The following VPS13C variants were observed in gnomAD, a reference collection of about 807,000 sequenced individuals.
The protein encoded by VPS13C is intermembrane lipid transfer protein VPS13C.
In VPS13C, 358 loss-of-function variants were observed where a neutral mutation model predicts 456.8. The ratio of observed to expected loss-of-function variants is 0.78; its 90% CI spans 0.72 to 0.86. VPS13C has a LOEUF of 0.86. Ranked by LOEUF, VPS13C falls within the 40% of genes least tolerant of loss-of-function variation. VPS13C has a pLI of 0.00. For synonymous variants in VPS13C, 1,578 were observed against 1,486.7 expected, an observed-to-expected ratio of 1.06 and a Z score of -1.41; for missense variants, 4,818 against 4,385.4, an observed-to-expected ratio of 1.10 and a Z score of -2.79.
At chr15:62,010,139 G>C (rs988793212) in intron 13 of VPS13C, among the ~76,000 whole-genome samples, 6 of 151,644 alleles carry the variant, frequency 4.0e-5, no homozygotes, top group Admixed American at 6.6e-5. Flanking sequence ...GCAGTGACCT[G>C]AGATCGCACC....
At position 61,946,307 on chromosome 15, in the gene VPS13C, CT is replaced by C. The variant is rs1165003020; in HGVS notation, c.4979del (p.Lys1660ArgfsTer15). ...MNVDLQSIHKKAVSILGDEVF... is the reference protein window; with the variant it reads ...MNVDLQSIHKXAVSILGDEVF... ...ATATAAAAATCTATTTTTTAATCAC[CT>C]TTTTGTGAATGGACTGCAAATCTAC... On this transcript the variant is annotated frameshift_variant and splice_region_variant, in exon 44 of 85. Coordinates refer to ENST00000644861, the MANE Select transcript of VPS13C (RefSeq NM_020821.3). LOFTEE classifies it high-confidence loss of function. 1 of 1,575,866 alleles carries C rather than the reference CT, an allele frequency of 6.3e-7. No individual in the cohort carries two copies. The highest frequency in any genetic ancestry group is 2.0e-5 in the Admixed American group (1 of 50,722).
intron 60 of VPS13C, among the ~76,000 whole-genome samples, chr15:61,916,319 G>A (rs920183591): frequency 6.6e-6 from 1 of 152,186 alleles, no homozygotes; most frequent in East Asian, 1.9e-4. Context: ...AAGCCTGGCT[G>A]TTGTCCATTA....
chr15:61,853,414 C>CA lies in VPS13C; in HGVS notation c.*1042dup, dbSNP rs1322260830. Reference sequence around the variant, plus strand: ...ATGTATCAGCAAATAATAATTGTGTCATATAAGCTCATCTTGAAAGAGGAT... The same window carrying CA: ...ATGTATCAGCAAATAATAATTGTGTCAATATAAGCTCATCTTGAAAGAGGAT... On this transcript the variant is annotated 3_prime_UTR_variant, in exon 85 of 85. Transcript: ENST00000644861. 6 of 152,204 alleles carry CA rather than the reference C, an allele frequency of 3.9e-5. No homozygotes were observed. In the East Asian group the frequency reaches 1.2e-3, roughly 29 times the overall value. The allele number at this position is 152,204 out of a possible 1,614,324, so 9.4% of individuals were successfully genotyped here.
intron 83 of VPS13C, among the ~76,000 whole-genome samples, chr15:61,856,084 G>T (rs922558731): frequency 6.6e-6 from 1 of 152,012 alleles, no homozygotes; most frequent in African/African-American, 2.4e-5. Context: ...ATTTGGGTGG[G>T]TAGACTGATA....
chr15:61,993,041 A>C (rs2046273730), intron 16 of VPS13C, among the ~76,000 whole-genome samples: 1 of 152,220 alleles, frequency 6.6e-6, no homozygotes, highest in Non-Finnish European at 1.5e-5. Flanking sequence ...AATGACACCC[A>C]ATTAAATGTA....
intron 47 of VPS13C, among the ~76,000 whole-genome samples, 159 bp from the exon 48 acceptor site, chr15:61,936,909 CT>C (rs2044245443): frequency 6.6e-6 from 1 of 152,152 alleles, no homozygotes; most frequent in African/African-American, 2.4e-5. Flanking sequence ...AGTATTTCAC[CT>C]TGTTTACTGT....
At chr15:62,012,702 A>T (rs1450471159) in intron 11 of VPS13C, among the ~76,000 whole-genome samples, 6 of 151,918 alleles carry the variant, frequency 3.9e-5, no homozygotes, top group Admixed American at 1.3e-4. Context: ...GAGAAATATT[A>T]TCTTTATAAT....
At position 61,984,874 on chromosome 15, in the gene VPS13C, T is replaced by A. The variant is rs1332500195; in HGVS notation, c.1704A>T (p.Pro568=). The A allele has an allele frequency of 1.9e-6, 3 of 1,613,272 alleles. No individual in the cohort carries two copies. In the African/African-American group the frequency reaches 4.0e-5, roughly 22 times the overall value. Residue 568 remains proline, a synonymous_variant, in exon 19 of 85, where the codon CCA becomes CCT. Coordinates refer to ENST00000644861, the MANE Select transcript of VPS13C (RefSeq NM_020821.3). ...AAACTTACTTAAGTGCTTGTGCTCC[T>A]GGTCGCTGAGATACTTGAGTGCCCA... ...IGLGTQVSQR[P]GAQALKVEAK...
intron 37 of VPS13C, among the ~76,000 whole-genome samples, chr15:61,957,341 G>C (rs2045037768): frequency 6.6e-6 from 1 of 152,096 alleles, no homozygotes; most frequent in African/African-American, 2.4e-5. Flanking sequence ...AAGGGCAAGA[G>C]GGAGGCCTTC....
At position 61,982,519 on chromosome 15, in the gene VPS13C, C is replaced by G; in HGVS notation, c.1969G>C (p.Glu657Gln). 1 of 1,610,204 alleles carries G rather than the reference C, an allele frequency of 6.2e-7. No homozygotes were observed. Among genetic ancestry groups the G allele is most frequent in the Non-Finnish European group, 8.5e-7 (1 of 1,178,834 alleles). Residue 657 changes from glutamate (E) to glutamine (Q), a missense_variant, in exon 21 of 85, where the codon GAG becomes CAG. Coordinates refer to ENST00000644861, the MANE Select transcript of VPS13C (RefSeq NM_020821.3). ...ATCAATGTTGCTGATGTTATTTGCT[C>G]AAGATCCAATCCCTTATTTGATTGA... ...FFQSNKGLDL[E>Q]QITSATLMKL...
At chr15:61,873,908 T>C (rs1035876340) in intron 77 of VPS13C, among the ~76,000 whole-genome samples, 1 of 151,754 alleles carries the variant, frequency 6.6e-6, no homozygotes, top group South Asian at 2.1e-4. Flanking sequence ...AGCTAACATA[T>C]GCAATCAATC....
intron 61 of VPS13C, 130 bp from the exon 62 acceptor site, chr15:61,913,545 A>G: frequency 1.4e-6 from 1 of 697,258 alleles, no homozygotes; most frequent in Non-Finnish European, 2.3e-6. Flanking sequence ...AATCAAAGCC[A>G]TATTGCAAAC....
intron 61 of VPS13C, among the ~76,000 whole-genome samples, chr15:61,914,877 T>TC: frequency 2.6e-5 from 1 of 38,776 alleles, no homozygotes; most frequent in Admixed American, 3.1e-4. Context: ...AAACTCTGCC[T>TC]TAAAAAAAAA....
intron 9 of VPS13C, among the ~76,000 whole-genome samples, chr15:62,015,980 A>C (rs924359699): frequency 8.1e-5 from 12 of 147,792 alleles, no homozygotes; most frequent in Non-Finnish European, 1.2e-4. Context: ...AAAAAAAAAA[A>C]AAAACTAGTT....
intron 51 of VPS13C, among the ~76,000 whole-genome samples, chr15:61,928,639 G>C (rs1267360738): frequency 6.6e-6 from 1 of 152,162 alleles, no homozygotes; most frequent in Non-Finnish European, 1.5e-5. Context: ...CAGCACTTGG[G>C]GAGGCAGAGG....
In VPS13C at chr15:61,974,386, G is replaced by A. The variant is rs960213144; in HGVS notation, c.2440C>T (p.His814Tyr). The change falls in exon 25 of 85, where the codon CAT becomes TAT. Residue 814 changes from histidine (H) to tyrosine (Y), a missense_variant. Transcript: ENST00000644861. ...ATCTTCTGGTCAGAAATTCTCACAT[G>A]CATCAAAGGAAGTCCTCCTGACACT... ...FKVSGGLPLM[H>Y]VRISDQKMKD... 5.6e-6 allele frequency: 9 copies of A among 1,612,420 alleles called. No homozygotes were observed. Among genetic ancestry groups the A allele is most frequent in the East Asian group, 2.2e-5 (1 of 44,738 alleles).
intron 79 of VPS13C, among the ~76,000 whole-genome samples, chr15:61,871,203 T>C (rs1895002507): frequency 1.3e-5 from 2 of 152,280 alleles, no homozygotes; most frequent in Admixed American, 1.3e-4. Flanking sequence ...TTGACTCCTA[T>C]ATTTTCCTCT....
chr15:61,939,639 C>T (rs1486771415), intron 47 of VPS13C, among the ~76,000 whole-genome samples: 1 of 152,180 alleles, frequency 6.6e-6, no homozygotes, highest in Non-Finnish European at 1.5e-5. Flanking sequence ...TCCACGACTA[C>T]CTTCAACCAG....
In VPS13C at chr15:61,975,712, T is replaced by C. The variant is rs917240963; in HGVS notation, c.2409-1295A>G. ...TACCTAGCATTTTAGGAAGAAATAA[T>C]ACTAGTTCTACACAGTATCTTCCAG... On this transcript the variant is annotated intron_variant, in intron 24 of 84. Coordinates refer to ENST00000644861, the MANE Select transcript of VPS13C (RefSeq NM_020821.3). Among the ~76,000 whole-genome samples, 51 of 152,048 alleles carry C rather than the reference T, an allele frequency of 3.4e-4. 1 individual carries two copies. Among genetic ancestry groups the C allele is most frequent in the Admixed American group, 2.5e-3 (38 of 15,242 alleles).
Sources: allele counts gnomAD v4.1 joint callset (sites outside exome capture counted in the v4.1 genomes callset), GRCh38; gene constraint gnomAD v4.1.1; transcripts MANE v1.5; gene names NCBI Gene and HGNC (gene_info 2026-07-23, HGNC 2026-07-21).